SDK1: variants seen among roughly 807,000 people sequenced by gnomAD.
SDK1 encodes sidekick cell adhesion molecule 1, also known as protein sidekick-1.
SDK1 carries 157 observed loss-of-function variants against 245.5 expected under a neutral mutation model. That is an observed-to-expected ratio of 0.64 (90% CI 0.56 to 0.73). SDK1 has a LOEUF of 0.73. Ranked by LOEUF, SDK1 falls within the 30% of genes least tolerant of loss-of-function variation. SDK1 has a pLI of 0.00. For synonymous variants in SDK1, 1,647 were observed against 1,278.5 expected (o/e 1.29, Z -6.15); for missense variants, 3,583 against 3,002.3 (o/e 1.19, Z -4.52).
chr7:3,760,114 GA>G (rs61002460), intron 4 of SDK1, among the ~76,000 whole-genome samples: 13,211 of 152,022 alleles, frequency 0.087, 1,160 homozygotes, highest in East Asian at 0.3. Flanking sequence ...TAAAAACATG[GA>G]AAATTCCTCC....
At chr7:3,987,472 T>C (rs1783950545) in intron 14 of SDK1, 150 bp downstream of exon 14, 2 of 822,966 alleles carry the variant, frequency 2.4e-6, no homozygotes, top group African/African-American at 1.8e-5. Context: ...GCCTGCCCTT[T>C]AGGAAAGAAA....
intron 4 of SDK1, among the ~76,000 whole-genome samples, chr7:3,742,273 G>A (rs141712275): frequency 2.4e-4 from 36 of 151,822 alleles, no homozygotes; most frequent in African/African-American, 8.5e-4. Flanking sequence ...CACCACTCTG[G>A]CATACAGATT....
intron 5 of SDK1, among the ~76,000 whole-genome samples, chr7:3,823,754 T>A (rs999886820): frequency 4.6e-5 from 7 of 152,312 alleles, no homozygotes; most frequent in South Asian, 2.1e-4. Flanking sequence ...TGATATGGAC[T>A]TATTTTAAAT....
chr7:3,576,565 G>C (rs538797166), intron 1 of SDK1, among the ~76,000 whole-genome samples: 2 of 152,052 alleles, frequency 1.3e-5, no homozygotes, highest in African/African-American at 4.8e-5. Context: ...GGATTTTTTG[G>C]TTGTACTTTA....
chr7:3,420,911 C>T lies in SDK1; in HGVS notation c.298+119027C>T, dbSNP rs941253366. ...TATCCTGATGCTCTCTGTCCTTCCA[C>T]ACCTCCCTGATAGGCCCCAGTGTGT... is the stretch of plus-strand genomic sequence containing the variant. On this transcript the variant is annotated intron_variant, in intron 1 of 44. Transcript: ENST00000404826. Among the ~76,000 whole-genome samples, 10 of 152,264 alleles carry T rather than the reference C, an allele frequency of 6.6e-5. No homozygotes were observed. In the South Asian group the frequency reaches 1.7e-3, roughly 25 times the overall value.
intron 4 of SDK1, among the ~76,000 whole-genome samples, chr7:3,747,700 T>G (rs555931892): frequency 1.3e-3 from 135 of 101,204 alleles, no homozygotes; most frequent in African/African-American, 5.4e-3. Flanking sequence ...TAGCCTGGGG[T>G]GTGTGTGTGT....
At chr7:3,571,855 A>C (rs899288951) in intron 1 of SDK1, among the ~76,000 whole-genome samples, 2 of 152,050 alleles carry the variant, frequency 1.3e-5, no homozygotes, top group Non-Finnish European at 2.9e-5. Context: ...TAAATCTGCT[A>C]TCTGTATTTT....
At chr7:3,964,345 A>G (rs1344119953) in intron 9 of SDK1, among the ~76,000 whole-genome samples, 1 of 152,150 alleles carries the variant, frequency 6.6e-6, no homozygotes, top group Non-Finnish European at 1.5e-5. Context: ...CTCTTCCCGC[A>G]CTAAGCCCTC....
intron 13 of SDK1, among the ~76,000 whole-genome samples, chr7:3,986,565 A>C (rs1247698644): frequency 6.6e-6 from 1 of 152,256 alleles, no homozygotes. Context: ...TCTCAATTAA[A>C]TAATGTATGT....
chr7:4,024,101 G>A (rs1787145181), intron 17 of SDK1, among the ~76,000 whole-genome samples: 2 of 152,028 alleles, frequency 1.3e-5, no homozygotes, highest in East Asian at 1.9e-4. Context: ...CTTGTAACAG[G>A]TATATTTGTG....
chr7:4,253,083 T>C (rs1158119745), intron 44 of SDK1, among the ~76,000 whole-genome samples: 1 of 152,174 alleles, frequency 6.6e-6, no homozygotes, highest in Non-Finnish European at 1.5e-5. Flanking sequence ...AAGAACCAAC[T>C]TGTAGTTTGA....
chr7:4,077,251 G>C, intron 21 of SDK1, 62 bp downstream of exon 21: 7 of 1,503,466 alleles, frequency 4.7e-6, no homozygotes, highest in Non-Finnish European at 6.4e-6. Context: ...CCCGAGGCTA[G>C]AAGTTGATTG....
At chr7:4,020,062 C>T (rs1468328191) in intron 17 of SDK1, among the ~76,000 whole-genome samples, 1 of 152,040 alleles carries the variant, frequency 6.6e-6, no homozygotes, top group Non-Finnish European at 1.5e-5. Context: ...GACTCCAACC[C>T]TAAACCTATT....
chr7:4,240,811 C>G (rs1236598403), intron 42 of SDK1, among the ~76,000 whole-genome samples: 2 of 152,116 alleles, frequency 1.3e-5, no homozygotes, highest in East Asian at 3.9e-4. Flanking sequence ...GAGCTGTGAT[C>G]TGCAGGAAGG....
In SDK1 at chr7:3,381,654, A is replaced by T. The variant is rs189846335; in HGVS notation, c.298+79770A>T. 4.6e-3 allele frequency among the ~76,000 whole-genome samples: 708 copies of T among 152,310 alleles called. 9 individuals are homozygous for T. Among genetic ancestry groups the T allele is most frequent in the African/African-American group, 0.016 (665 of 41,570 alleles). ...GATCCTAGAAGGATTGTATTTTCCAACGGAGGTGGAAGGGGTTGAGATCCA... is the reference window on the plus strand; with the variant it reads ...GATCCTAGAAGGATTGTATTTTCCATCGGAGGTGGAAGGGGTTGAGATCCA... On this transcript the variant is annotated intron_variant, in intron 1 of 44. Coordinates refer to ENST00000404826, the MANE Select transcript of SDK1 (RefSeq NM_152744.4).
intron 19 of SDK1, among the ~76,000 whole-genome samples, chr7:4,058,371 A>C (rs1779326673): frequency 1.3e-5 from 2 of 152,202 alleles, no homozygotes; most frequent in Admixed American, 1.3e-4. Context: ...TAAAGGAATG[A>C]GTATTTGAAT....
At chr7:3,776,699 AT>A (rs1402148774) in intron 4 of SDK1, among the ~76,000 whole-genome samples, 1 of 150,862 alleles carries the variant, frequency 6.6e-6, no homozygotes, top group Non-Finnish European at 1.5e-5. Flanking sequence ...AAAAGAAGAT[AT>A]TTTGCTTTTT....
At chr7:4,044,262 G>A (rs1788853352) in intron 17 of SDK1, among the ~76,000 whole-genome samples, 1 of 152,094 alleles carries the variant, frequency 6.6e-6, no homozygotes, top group African/African-American at 2.4e-5. Flanking sequence ...TCGCCAGCCT[G>A]CAGCCTCAGG....
chr7:4,021,367 G>A (rs939268855), intron 17 of SDK1, among the ~76,000 whole-genome samples: 4 of 152,132 alleles, frequency 2.6e-5, no homozygotes, highest in Non-Finnish European at 2.9e-5. Flanking sequence ...TCCACGTGGC[G>A]GGGACACCTC....
Sources: gnomAD v4.1 joint callset for allele counts (sites outside exome capture counted in the v4.1 genomes callset) on GRCh38, gnomAD v4.1.1 for gene constraint, MANE v1.5 for transcripts, NCBI Gene and HGNC (gene_info 2026-07-23, HGNC 2026-07-21) for gene names.